Variants in MCCC2 observed in about 807,000 individuals in gnomAD.
The protein encoded by MCCC2 is methylcrotonoyl-CoA carboxylase beta chain, mitochondrial.
MCCC2 carries 52 observed loss-of-function variants against 77.2 expected under a neutral mutation model. That is an observed-to-expected ratio of 0.67 (90% CI 0.54 to 0.85). The LOEUF (loss-of-function observed/expected upper bound fraction) is 0.85, where lower values mean the gene tolerates loss of function less well. Among genes scored for constraint, MCCC2 ranks in the 40% least tolerant of loss-of-function variants. MCCC2 has a pLI of 0.00. For missense variants in MCCC2, 682 were observed against 703.2 expected (o/e 0.97, Z 0.34); for synonymous variants, 253 against 248.4 (o/e 1.02, Z -0.18).
rs869257268 is a variant in MCCC2 at position 71,618,546 on chromosome 5, TTC to T, written c.625-8093_625-8092del. 7.0e-3 allele frequency among the ~76,000 whole-genome samples: 405 copies of T among 57,820 alleles called. 5 individuals are homozygous for T. The highest frequency in any genetic ancestry group is 0.021 in the African/African-American group (387 of 18,646). 37.9% of individuals were successfully genotyped at this position (57,820 alleles called of 152,430 possible). A position where few individuals can be genotyped will look rare whatever the true frequency, so the allele number is the denominator to read the frequency against. ...CTTCCTTCCTTCCTTCCTTCCTTCC[TTC>T]CTTTCTTTCTTTCTCTTTCTTTTTG... is the stretch of plus-strand genomic sequence containing the variant. On this transcript the variant is annotated intron_variant, in intron 6 of 16. Transcript: ENST00000340941.
intron 1 of MCCC2, among the ~76,000 whole-genome samples, chr5:71,589,086 A>G (rs767546605): frequency 3.9e-5 from 6 of 152,132 alleles, no homozygotes; most frequent in Non-Finnish European, 5.9e-5. Flanking sequence ...GAAGGAGTCA[A>G]AGTTAGAGTT....
chr5:71,643,658 CAAG>C lies in MCCC2; in HGVS notation c.1073-156_1073-154del. ...AAACCAGAGTCTAGGACCTTAGGAA[CAAG>C]AAGATTGTGACATGAGCTGTTTTAT... On this transcript the variant is annotated intron_variant, in intron 11 of 16. Transcript: ENST00000340941. The C allele has an allele frequency of 6.4e-6, 9 of 1,406,696 alleles. No individual in the cohort carries two copies. In the South Asian group the frequency reaches 9.9e-5, roughly 15 times the overall value. 87.1% of individuals were successfully genotyped at this position (1,406,696 alleles called of 1,614,324 possible).
intron 13 of MCCC2, among the ~76,000 whole-genome samples, chr5:71,646,818 C>T (rs1747286401): frequency 6.6e-6 from 1 of 152,240 alleles, no homozygotes; most frequent in South Asian, 2.1e-4. Context: ...GAGCATCATG[C>T]TTTTCCTAGG....
At chr5:71,627,295 A>G (rs941132666) in intron 7 of MCCC2, among the ~76,000 whole-genome samples, 2 of 152,216 alleles carry the variant, frequency 1.3e-5, no homozygotes, top group Admixed American at 6.5e-5. Context: ...TAATGCTGCT[A>G]TGAACATGGG....
At chr5:71,638,927 C>G (rs1031023789) in intron 10 of MCCC2, among the ~76,000 whole-genome samples, 16 of 152,336 alleles carry the variant, frequency 1.1e-4, no homozygotes, top group African/African-American at 3.8e-4. Flanking sequence ...GAACACTCAT[C>G]TCTTTGTGCA....
In MCCC2 at chr5:71,646,289, G is replaced by T. The variant is rs772406163; in HGVS notation, c.1216+12G>T. ...TCAAAACATTACTGGTAAGAAAATAGCTTAATCAGTTTGGTTGTATTGATT... is the reference window on the plus strand; with the variant it reads ...TCAAAACATTACTGGTAAGAAAATATCTTAATCAGTTTGGTTGTATTGATT... On this transcript the variant is annotated intron_variant, in intron 13 of 16. Transcript: ENST00000340941. 19 of 1,612,516 alleles carry T rather than the reference G, an allele frequency of 1.2e-5. No homozygotes were observed. In the Admixed American group the frequency reaches 1.7e-4, roughly 14 times the overall value.
intron 6 of MCCC2, among the ~76,000 whole-genome samples, chr5:71,610,772 G>A (rs1327354535): frequency 1.3e-5 from 2 of 150,340 alleles, no homozygotes; most frequent in South Asian, 4.2e-4. Context: ...GGATCACGAG[G>A]TCAGGAGATC....
chr5:71,606,464 G>A (rs1027977681), intron 6 of MCCC2, among the ~76,000 whole-genome samples: 1 of 149,900 alleles, frequency 6.7e-6, no homozygotes, highest in Admixed American at 6.7e-5. Context: ...ATCAGCTTGA[G>A]GAGATTTTGG....
chr5:71,592,457 T>C (rs954183487), intron 1 of MCCC2, among the ~76,000 whole-genome samples: 1 of 152,182 alleles, frequency 6.6e-6, no homozygotes, highest in African/African-American at 2.4e-5. Context: ...AAGTGTACTT[T>C]GTCAGTAAGC....
chr5:71,633,982 A>G (rs994037000), intron 8 of MCCC2, among the ~76,000 whole-genome samples: 3 of 152,180 alleles, frequency 2.0e-5, no homozygotes, highest in Non-Finnish European at 4.4e-5. Context: ...GCTTTTACTC[A>G]GGAACTCCCA....
At chr5:71,626,786 T>A in intron 7 of MCCC2, 33 bp downstream of exon 7, 1 of 1,566,856 alleles carries the variant, frequency 6.4e-7, no homozygotes, top group Non-Finnish European at 8.8e-7. Context: ...CGATGGAAAT[T>A]AAGTATGCAG....
chr5:71,656,053 A>C (rs1029206443), intron 16 of MCCC2, among the ~76,000 whole-genome samples: 1 of 152,160 alleles, frequency 6.6e-6, no homozygotes, highest in African/African-American at 2.4e-5. Context: ...CGTCTCTTCT[A>C]CAAATACAAA....
At chr5:71,643,691 T>C in intron 11 of MCCC2, 128 bp from the exon 12 acceptor site, 4 of 1,585,230 alleles carry the variant, frequency 2.5e-6, no homozygotes, top group Non-Finnish European at 3.4e-6. Flanking sequence ...TTTTATACCA[T>C]AGACAAAATC....
intron 6 of MCCC2, 101 bp downstream of exon 6, chr5:71,604,569 C>A (rs1203781722): frequency 5.8e-6 from 5 of 859,350 alleles, no homozygotes; most frequent in Non-Finnish European, 9.3e-6. Flanking sequence ...CAGAATTTAA[C>A]ACAAAATCTA....
intron 1 of MCCC2, 165 bp from the exon 2 acceptor site, chr5:71,592,761 C>A: frequency 1.5e-6 from 1 of 659,842 alleles, no homozygotes; most frequent in Non-Finnish European, 2.7e-6. Context: ...CTTTTCCATA[C>A]GATCCAGTGG....
At chr5:71,613,700 C>T (rs1306050099) in intron 6 of MCCC2, among the ~76,000 whole-genome samples, 4 of 151,990 alleles carry the variant, frequency 2.6e-5, no homozygotes, top group Non-Finnish European at 5.9e-5. Flanking sequence ...TGTACCACTG[C>T]ACTTCAGCCT....
rs1023168219 is a variant in MCCC2, at chr5:71,626,727, A to G, written c.712A>G (p.Thr238Ala). 2 of 1,614,044 alleles carry G rather than the reference A, an allele frequency of 1.2e-6. No individual in the cohort carries two copies. Among genetic ancestry groups the G allele is most frequent in the Admixed American group, 3.3e-5 (2 of 59,990 alleles). ...AAACATCATTGTACGCAAGCAGGGTACCATTTTCTTGGCAGGACCCCCCTT... is the reference window on the plus strand; with the variant it reads ...AAACATCATTGTACGCAAGCAGGGTGCCATTTTCTTGGCAGGACCCCCCTT... ...DENIIVRKQG[T>A]IFLAGPPLVK... is the part of the protein sequence containing the mutation. Residue 238 changes from threonine to alanine, a missense_variant, in exon 7 of 17, where the codon ACC becomes GCC. Transcript: ENST00000340941.
In MCCC2 at chr5:71,591,561, C is replaced by T. The variant is rs139394745; in HGVS notation, c.130-1365C>T. Among the ~76,000 whole-genome samples the T allele has an allele frequency of 3.7e-3, 557 of 151,652 alleles. 2 individuals carry two copies. The highest frequency in any genetic ancestry group is 0.012 in the African/African-American group (493 of 41,318). ...GAGGGATTCTCCTGCCTCAGCCTCC[C>T]GAGTAGCTGGGATTACAGGCAAGCA... On this transcript the variant is annotated intron_variant, in intron 1 of 16. Transcript: ENST00000340941.
At chr5:71,640,883 G>T in intron 10 of MCCC2, 120 bp from the exon 11 acceptor site, 1 of 808,672 alleles carries the variant, frequency 1.2e-6, no homozygotes. Context: ...GATTTTCTGT[G>T]TAGTGTGAAA....
Sources: allele counts gnomAD v4.1 joint callset (sites outside exome capture counted in the v4.1 genomes callset), GRCh38; gene constraint gnomAD v4.1.1; transcripts MANE v1.5; gene names NCBI Gene and HGNC (gene_info 2026-07-23, HGNC 2026-07-21).